Variants in CLEC1A observed in about 807,000 individuals in gnomAD.
CLEC1A encodes C-type lectin-like receptor-1.
In CLEC1A, 34 loss-of-function variants were observed where a neutral mutation model predicts 28.7. That is an observed-to-expected ratio of 1.18 (90% confidence interval 0.90 to 1.57). The LOEUF (loss-of-function observed/expected upper bound fraction) is 1.57, where lower values mean the gene tolerates loss of function less well. Ranked by LOEUF, CLEC1A falls within the 40% of genes most tolerant of loss-of-function variation. The pLI is 0.00. For synonymous variants in CLEC1A, 116 were observed against 121.0 expected (o/e 0.96, Z 0.27); for missense variants, 385 against 339.5 (o/e 1.13, Z -1.05).
intron 2 of CLEC1A, among the ~76,000 whole-genome samples, chr12:10,083,424 G>A (rs1424732514): frequency 6.6e-6 from 1 of 152,218 alleles, no homozygotes; most frequent in African/African-American, 2.4e-5. Flanking sequence ...TACTCAAGGA[G>A]ATACCAGAGA....
At chr12:10,085,157 C>T (rs961905092) in intron 2 of CLEC1A, among the ~76,000 whole-genome samples, 11 of 150,042 alleles carry the variant, frequency 7.3e-5, no homozygotes, top group Middle Eastern at 6.9e-3. Flanking sequence ...AAAATAGAAT[C>T]TCCTGAAAGC....
chr12:10,087,204 C>A (rs372407493), intron 2 of CLEC1A, among the ~76,000 whole-genome samples: 88 of 75,960 alleles, frequency 1.2e-3, no homozygotes, highest in East Asian at 2.4e-3. Context: ...GACTCCATCT[C>A]AAAAAAAAAA....
Position 10,079,633 on chromosome 12 carries a change from A to G in CLEC1A, c.391+1604T>C, listed in dbSNP as rs1164677493. Among the ~76,000 whole-genome samples, 3 of 151,980 alleles carry G rather than the reference A, an allele frequency of 2.0e-5. No homozygotes were observed. In the East Asian group the frequency reaches 5.8e-4, roughly 29 times the overall value. On this transcript the variant is annotated intron_variant, in intron 3 of 5. Transcript: ENST00000315330. ...GCCAGAGTTCAAGACCAGCCTGGGC[A>G]ACATGGAAAAACCCCGTCTCTACTT...
In CLEC1A at chr12:10,089,198, C is replaced by T. The variant is rs772169257; in HGVS notation, c.140G>A (p.Trp47Ter). 3.7e-6 allele frequency: 6 copies of T among 1,613,862 alleles called. No individual in the cohort carries two copies. The East Asian group carries it at 1.1e-4, about 30-fold the overall frequency. ...RTEHRAPSST[W>*]RPVALTLLTL... is the part of the protein sequence containing the mutation. The stretch of plus-strand genomic sequence containing the variant: ...CAGCAGGGTCAGGGCCACTGGTCGC[C>T]ACGTTGAAGAGGGAGCCCTGTGCTC... Residue 47 changes from tryptophan to a stop codon, truncating the protein, a stop_gained, in exon 2 of 6, where the codon TGG becomes TAG. Transcript: ENST00000315330. LOFTEE classifies it high-confidence loss of function.
chr12:10,081,229 A>G lies in CLEC1A; in HGVS notation c.391+8T>C. 1 of 1,560,452 alleles carries G rather than the reference A, an allele frequency of 6.4e-7. No individual in the cohort carries two copies. ...AACATGGGGACAGAGTGACCAGGAC[A>G]CACTTACCTCCAGCTTTGTTATACA... On this transcript the variant is annotated splice_region_variant and intron_variant, in intron 3 of 5. Coordinates refer to ENST00000315330, the MANE Select transcript of CLEC1A (RefSeq NM_016511.4).
chr12:10,085,671 C>T (rs1308564053), intron 2 of CLEC1A, among the ~76,000 whole-genome samples: 1 of 151,260 alleles, frequency 6.6e-6, no homozygotes, highest in Non-Finnish European at 1.5e-5. Context: ...ATTTATAAAA[C>T]AATTACTACT....
chr12:10,094,395 T>G (rs1947749714), intron 1 of CLEC1A, among the ~76,000 whole-genome samples: 1 of 152,056 alleles, frequency 6.6e-6, no homozygotes, highest in Admixed American at 6.6e-5. Context: ...TAATGAACTA[T>G]TAGTAACTCC....
intron 2 of CLEC1A, chr12:10,084,171 A>G (rs1565603934): frequency 6.6e-6 from 1 of 152,192 alleles, no homozygotes; most frequent in African/African-American, 2.4e-5. Context: ...TAGACATCCA[A>G]ACACTAGAAG....
At chr12:10,080,171 G>T (rs1236143090) in intron 3 of CLEC1A, among the ~76,000 whole-genome samples, 7 of 151,980 alleles carry the variant, frequency 4.6e-5, no homozygotes, top group African/African-American at 1.2e-4. Context: ...AAATTAGCTG[G>T]GTGCAGTGGT....
intron 3 of CLEC1A, 24 bp from the exon 4 acceptor site, chr12:10,075,679 G>A: frequency 6.2e-7 from 1 of 1,608,724 alleles, no homozygotes; most frequent in Non-Finnish European, 8.5e-7. Context: ...CAATTTTATT[G>A]TTATTTTCTG....
chr12:10,071,622 A>G, intron 5 of CLEC1A, 109 bp from the exon 6 acceptor site: 2 of 897,380 alleles, frequency 2.2e-6, no homozygotes, highest in East Asian at 6.0e-5. Flanking sequence ...TACCAGAATA[A>G]GTTTACCGGG....
intron 2 of CLEC1A, among the ~76,000 whole-genome samples, chr12:10,086,339 T>A (rs191150949): frequency 1.6e-4 from 20 of 127,706 alleles, no homozygotes; most frequent in African/African-American, 5.0e-4. Context: ...GTATCAAAGA[T>A]CAGAGAAGAA....
intron 3 of CLEC1A, among the ~76,000 whole-genome samples, chr12:10,077,841 T>C (rs970065856): frequency 6.6e-6 from 1 of 152,288 alleles, no homozygotes; most frequent in South Asian, 2.1e-4. Flanking sequence ...AGTCTGTGTA[T>C]GTGTCTGGCC....
Position 10,071,092 on chromosome 12 carries a change from G to T in CLEC1A, c.*241C>A. ...TTATCTCTAAGCCAAGAAGGCAGAT[G>T]ACATTATGGGTTTCTGAGGTTGGTT... is the stretch of plus-strand genomic sequence containing the variant. On this transcript the variant is annotated 3_prime_UTR_variant, in exon 6 of 6. Transcript: ENST00000315330. 2.9e-6 allele frequency: 1 copy of T among 342,298 alleles called. No homozygotes were observed. Among genetic ancestry groups the T allele is most frequent in the Non-Finnish European group, 5.3e-6 (1 of 189,966 alleles). 21.2% of individuals were successfully genotyped at this position (342,298 alleles called of 1,614,324 possible).
intron 3 of CLEC1A, among the ~76,000 whole-genome samples, chr12:10,075,997 G>A (rs1276024921): frequency 6.6e-6 from 1 of 152,088 alleles, no homozygotes. Context: ...AACTCCAACT[G>A]CATTGTGTTT....
Position 10,081,372 on chromosome 12 carries a change from T to C in CLEC1A, c.256A>G (p.Ile86Val), listed in dbSNP as rs777346457. 6.8e-6 allele frequency: 11 copies of C among 1,612,948 alleles called. No homozygotes were observed. Among genetic ancestry groups the C allele is most frequent in the Admixed American group, 1.7e-5 (1 of 59,880 alleles). Residue 86 changes from isoleucine (I) to valine (V), a missense_variant, in exon 3 of 6, where the codon ATT becomes GTT. Transcript: ENST00000315330. ...YQLSNTGQDTISQMEERLGNT... is the reference protein window; with the variant it reads ...YQLSNTGQDTVSQMEERLGNT... ...CCTAATCTTTCTTCCATTTGAGAAATGGTGTCTTGACCAGTATTGGAGAGC... is the reference window on the plus strand; with the variant it reads ...CCTAATCTTTCTTCCATTTGAGAAACGGTGTCTTGACCAGTATTGGAGAGC...
chr12:10,090,128 A>T (rs141989985), intron 1 of CLEC1A, among the ~76,000 whole-genome samples: 1 of 151,802 alleles, frequency 6.6e-6, no homozygotes, highest in Non-Finnish European at 1.5e-5. Context: ...TGAAACCCTC[A>T]AACAAACTGT....
chr12:10,077,558 T>A (rs1429456374), intron 3 of CLEC1A, among the ~76,000 whole-genome samples: 1 of 152,186 alleles, frequency 6.6e-6, no homozygotes, highest in African/African-American at 2.4e-5. Flanking sequence ...TACTAATTTC[T>A]AAACGGAACA....
At chr12:10,072,617 T>A (rs190133600) in intron 5 of CLEC1A, among the ~76,000 whole-genome samples, 1 of 149,372 alleles carries the variant, frequency 6.7e-6, no homozygotes, top group East Asian at 2.0e-4. Context: ...GGCTTCAATT[T>A]ACTCACTCAG....
Sources: allele counts gnomAD v4.1 joint callset (sites outside exome capture counted in the v4.1 genomes callset), GRCh38; gene constraint gnomAD v4.1.1; transcripts MANE v1.5; gene names NCBI Gene and HGNC (gene_info 2026-07-23, HGNC 2026-07-21).